The following C20orf96 variants were observed in gnomAD, a reference collection of about 807,000 sequenced individuals.
The protein encoded by C20orf96 is chromosome 20 open reading frame 96, also known as uncharacterized protein C20orf96.
C20orf96 carries 57 observed loss-of-function variants against 52.6 expected under a neutral mutation model. That is an observed-to-expected ratio of 1.08 (90% CI 0.88 to 1.35). The LOEUF is 1.35. C20orf96 is among the 40% of genes most tolerant of loss of function. The pLI is 0.00. For synonymous variants in C20orf96, 168 were observed against 157.2 expected (o/e 1.07, Z -0.51); for missense variants, 478 against 443.6 (o/e 1.08, Z -0.70).
intron 10 of C20orf96, among the ~76,000 whole-genome samples, chr20:273,883 A>G (rs770060629): frequency 1.1e-4 from 8 of 74,472 alleles, no homozygotes; most frequent in Non-Finnish European, 1.6e-4. Flanking sequence ...TCTCAAGAAG[A>G]AGGAAGGAAG....
chr20:279,518 C>G (rs1172971084), intron 4 of C20orf96, among the ~76,000 whole-genome samples, 188 bp from the exon 5 acceptor site: 1 of 152,154 alleles, frequency 6.6e-6, no homozygotes, highest in Non-Finnish European at 1.5e-5. Context: ...GGACTCTCAT[C>G]CGTTCGGAAA....
At position 276,817 on chromosome 20, in the gene C20orf96, C is replaced by T. The variant is rs753504063; in HGVS notation, c.888G>A (p.Leu296=). ...CTTCTCTGAACCTTTGCATGCATTT[C>T]AGGAAGTCCTGGCTTTCCCACATCT... ...LQKMWESQDF[L]KCMQRFREII... The change falls in exon 9 of 11, where the codon CTG becomes CTA. Residue 296 remains leucine, a synonymous_variant. Coordinates refer to ENST00000360321, the MANE Select transcript of C20orf96 (RefSeq NM_153269.3). 1 of 1,613,560 alleles carries T rather than the reference C, an allele frequency of 6.2e-7. No homozygotes were observed. Among genetic ancestry groups the T allele is most frequent in the South Asian group, 1.1e-5 (1 of 90,888 alleles).
chr20:288,632 G>C (rs537721131), intron 3 of C20orf96, among the ~76,000 whole-genome samples: 2 of 152,206 alleles, frequency 1.3e-5, no homozygotes, highest in African/African-American at 4.8e-5. Context: ...GCATCAGTGA[G>C]GTAAAATAAG....
rs750846591 is a variant in C20orf96 at position 284,009 on chromosome 20, C to A, written c.260G>T (p.Arg87Leu). The A allele has an allele frequency of 1.2e-6, 2 of 1,614,188 alleles. No individual in the cohort carries two copies. The highest frequency in any genetic ancestry group is 1.7e-6 in the Non-Finnish European group (2 of 1,180,040). ...PKNPRELHRR[R>L]KLDPGKMHAK... ...ATGCATCTTCCCAGGGTCCAACTTC[C>A]GCCTTCTATGTAGTTCTCTTGGATT... Residue 87 changes from arginine (R) to leucine (L), a missense_variant, in exon 4 of 11, where the codon CGG becomes CTG. Arg to Leu is a moderately radical substitution (Grantham distance 102). Coordinates refer to ENST00000360321, the MANE Select transcript of C20orf96 (RefSeq NM_153269.3).
rs767503091 is a variant in C20orf96 at position 277,063 on chromosome 20, AT to A, written c.805del (p.Ile269PhefsTer2). The A allele has an allele frequency of 1.9e-6, 3 of 1,613,572 alleles. No individual in the cohort carries two copies. In the African/African-American group the frequency reaches 4.0e-5, roughly 22 times the overall value. On this transcript the variant is annotated frameshift_variant, in exon 8 of 11. Transcript: ENST00000360321. LOFTEE classifies it high-confidence loss of function. ...ACTCACCGCCACCACAGAACTCAGA[AT>A]TTTTTTCTTCTTCTTCTGAATCTTG... Reference protein sequence around the residue: ...SDKIQKKKKKILSSVVAETQR... With the variant: ...SDKIQKKKKKXLSSVVAETQR...
chr20:286,581 GAGGAAA>G (rs1309846228), intron 3 of C20orf96, among the ~76,000 whole-genome samples: 71 of 143,624 alleles, frequency 4.9e-4, no homozygotes, highest in African/African-American at 1.6e-3. Flanking sequence ...AGGGAGGGGA[GAGGAAA>G]AGGAAAAGAA....
At chr20:277,574 G>A (rs6136878) in intron 6 of C20orf96, among the ~76,000 whole-genome samples, 191 bp from the exon 7 acceptor site, 80,916 of 151,682 alleles carry the variant, frequency 0.53, 21,841 homozygotes, top group East Asian at 0.69. Context: ...TGCAGGAGAA[G>A]AGGCAATGCT....
chr20:279,631 A>T (rs930160157), intron 4 of C20orf96, among the ~76,000 whole-genome samples: 1 of 152,174 alleles, frequency 6.6e-6, no homozygotes, highest in African/African-American at 2.4e-5. Flanking sequence ...GGGTAAATAA[A>T]GATGTGCCTT....
chr20:274,951 T>A (rs1162067971), intron 10 of C20orf96, among the ~76,000 whole-genome samples: 1 of 152,154 alleles, frequency 6.6e-6, no homozygotes, highest in Non-Finnish European at 1.5e-5. Flanking sequence ...CCCGAGTAGC[T>A]GGGATTACAG....
rs1177738445 is a variant in C20orf96, at chr20:276,784, C to A, written c.912+9G>T. ...CCTACAGGGACCACCACCTTCCTTG[C>A]CCACGCACTTCTCTGAACCTTTGCA... On this transcript the variant is annotated intron_variant, in intron 9 of 10. Transcript: ENST00000360321. 1.2e-6 allele frequency: 2 copies of A among 1,610,882 alleles called. No individual in the cohort carries two copies. Among genetic ancestry groups the A allele is most frequent in the South Asian group, 2.2e-5 (2 of 90,492 alleles).
At chr20:272,055 A>T (rs2011856985) in intron 10 of C20orf96, among the ~76,000 whole-genome samples, 1 of 152,158 alleles carries the variant, frequency 6.6e-6, no homozygotes, top group Non-Finnish European at 1.5e-5. Flanking sequence ...AAATGTCAGG[A>T]TACTTGCAAT....
At position 290,321 on chromosome 20, in the gene C20orf96, G is replaced by T. The variant is rs1487231708; in HGVS notation, c.21-14C>A. ...GAGTGCTTGGGTCTGGAAAGAGTTG[G>T]GAAGGGAAAGAACTTCCATTATCCC... is the stretch of plus-strand genomic sequence containing the variant. On this transcript the variant is annotated splice_polypyrimidine_tract_variant and intron_variant, in intron 1 of 10. Coordinates refer to ENST00000360321, the MANE Select transcript of C20orf96 (RefSeq NM_153269.3). The T allele has an allele frequency of 6.2e-7, 1 of 1,612,330 alleles. No individual in the cohort carries two copies.
At chr20:276,264 G>C in intron 9 of C20orf96, 178 bp from the exon 10 acceptor site, 3 of 985,456 alleles carry the variant, frequency 3.0e-6, no homozygotes, top group Non-Finnish European at 3.6e-6. Context: ...TGGCTTCCAA[G>C]TTAGTGACAA....
chr20:278,503 G>A, intron 5 of C20orf96, 74 bp from the exon 6 acceptor site: 1 of 1,137,190 alleles, frequency 8.8e-7, no homozygotes, highest in Non-Finnish European at 1.3e-6. Flanking sequence ...CACTTCCTCA[G>A]AGGAGTCCCC....
intron 4 of C20orf96, among the ~76,000 whole-genome samples, chr20:280,957 C>A (rs1014261189): frequency 6.6e-6 from 1 of 152,148 alleles, no homozygotes; most frequent in African/African-American, 2.4e-5. Flanking sequence ...GAGTTCAAGA[C>A]CAGCCTGGGC....
chr20:281,385 G>A lies in C20orf96; in HGVS notation c.307-2055C>T, dbSNP rs145166406. ...CACAATCAAGCCACTTAGTGAGAGTGCACTCATGTGCACTCAGTGAACAAT... is the reference window on the plus strand; with the variant it reads ...CACAATCAAGCCACTTAGTGAGAGTACACTCATGTGCACTCAGTGAACAAT... On this transcript the variant is annotated intron_variant, in intron 4 of 10. Coordinates refer to ENST00000360321, the MANE Select transcript of C20orf96 (RefSeq NM_153269.3). Among the ~76,000 whole-genome samples, 7 of 152,214 alleles carry A rather than the reference G, an allele frequency of 4.6e-5. No individual in the cohort carries two copies. The East Asian group carries it at 1.2e-3, about 25-fold the overall frequency.
At chr20:290,183 G>T in intron 2 of C20orf96, 76 bp downstream of exon 2, 2 of 1,185,994 alleles carry the variant, frequency 1.7e-6, no homozygotes, top group South Asian at 1.3e-5. Context: ...GAGCAGTCAC[G>T]ACCGTGAGAG....
chr20:285,566 G>A (rs1388493611), intron 3 of C20orf96, among the ~76,000 whole-genome samples: 1 of 152,036 alleles, frequency 6.6e-6, no homozygotes, highest in Non-Finnish European at 1.5e-5. Context: ...AGTGTAAGTG[G>A]GATTTTGATT....
intron 1 of C20orf96, 102 bp from the exon 2 acceptor site, chr20:290,409 G>A (rs766114747): frequency 6.4e-7 from 1 of 1,559,526 alleles, no homozygotes; most frequent in Non-Finnish European, 8.7e-7. Context: ...AGAAACTGCA[G>A]TTTACCGGGG....
Sources: allele counts gnomAD v4.1 joint callset (sites outside exome capture counted in the v4.1 genomes callset), GRCh38; gene constraint gnomAD v4.1.1; transcripts MANE v1.5; gene names NCBI Gene and HGNC (gene_info 2026-07-23, HGNC 2026-07-21).